The following AKAP6 variants were observed in gnomAD, a reference collection of about 807,000 sequenced individuals.
AKAP6 encodes the protein A-kinase anchoring protein 6.
In AKAP6, 58 loss-of-function variants were observed where a neutral mutation model predicts 188.5. The observed-to-expected ratio is 0.31, with a 90% confidence interval of 0.25 to 0.38. The LOEUF (loss-of-function observed/expected upper bound fraction) is 0.38, where lower values mean the gene tolerates loss of function less well. AKAP6 is among the 10% of genes least tolerant of loss of function. The pLI, the probability that AKAP6 is intolerant of heterozygous loss-of-function variation, is 1.00. For missense variants in AKAP6, 2,710 were observed against 2,740.0 expected (o/e 0.99, Z 0.24); for synonymous variants, 989 against 998.6 (o/e 0.99, Z 0.18).
At chr14:32,589,845 G>A (rs1594766889) in intron 5 of AKAP6, among the ~76,000 whole-genome samples, 1 of 152,218 alleles carries the variant, frequency 6.6e-6, no homozygotes, top group East Asian at 1.9e-4. Flanking sequence ...TTACAGACAA[G>A]CCTCACACTA....
At chr14:32,410,217 A>G (rs1435747956) in intron 1 of AKAP6, among the ~76,000 whole-genome samples, 4 of 152,076 alleles carry the variant, frequency 2.6e-5, no homozygotes, top group African/African-American at 7.2e-5. Flanking sequence ...AAGTCCAATA[A>G]GAAATATTTT....
intron 1 of AKAP6, among the ~76,000 whole-genome samples, chr14:32,422,317 ACT>A (rs1270788519): frequency 6.6e-6 from 1 of 151,876 alleles, no homozygotes; most frequent in Non-Finnish European, 1.5e-5. Flanking sequence ...GTTCACACAG[ACT>A]CTCTCAGATT....
rs770173043 is a variant in AKAP6, at chr14:32,823,814, G to A, written c.6001G>A (p.Ala2001Thr). ...TRFNNRQDSD[A>T]LKSSDDAPSM... ...GTTTAACAACAGACAAGACTCTGAT[G>A]CACTGAAATCATCTGATGATGCACC... Residue 2001 changes from alanine to threonine, a missense_variant, in exon 13 of 14, where the codon GCA becomes ACA. Ala to Thr is a moderately conservative substitution (Grantham distance 58). Around this residue, in one of 2 missense-constraint regions of AKAP6, gnomAD observed 2,473 missense variants for 2,426.1 expected, o/e 1.02. Coordinates refer to ENST00000280979, the MANE Select transcript of AKAP6 (RefSeq NM_004274.5). 5 of 1,613,516 alleles carry A rather than the reference G, an allele frequency of 3.1e-6. No individual in the cohort carries two copies. The highest frequency in any genetic ancestry group is 1.3e-5 in the African/African-American group (1 of 75,020).
chr14:32,496,124 C>T (rs1466262905), intron 2 of AKAP6, among the ~76,000 whole-genome samples: 1 of 152,150 alleles, frequency 6.6e-6, no homozygotes, highest in Non-Finnish European at 1.5e-5. Flanking sequence ...TTTATTCAAA[C>T]TTATACCTCA....
chr14:32,807,492 A>T (rs549561140), intron 12 of AKAP6, among the ~76,000 whole-genome samples: 1 of 152,292 alleles, frequency 6.6e-6, no homozygotes, highest in East Asian at 1.9e-4. Flanking sequence ...TTGTTTTAGG[A>T]AGCTTGGTTT....
At chr14:32,804,247 C>T (rs2034030225) in intron 12 of AKAP6, among the ~76,000 whole-genome samples, 1 of 152,182 alleles carries the variant, frequency 6.6e-6, no homozygotes, top group African/African-American at 2.4e-5. Flanking sequence ...CTGTTCTCTA[C>T]ACTGAAGCCT....
In AKAP6 at chr14:32,479,092, A is replaced by G. The variant is rs138552939; in HGVS notation, c.324+45275A>G. ...TAGGAACATGTGACTTATACCAAGT[A>G]GACATCGACTCACTTTGATATTTTC... On this transcript the variant is annotated intron_variant, in intron 2 of 13. Coordinates refer to ENST00000280979, the MANE Select transcript of AKAP6 (RefSeq NM_004274.5). 9.7e-3 allele frequency among the ~76,000 whole-genome samples: 1,472 copies of G among 152,332 alleles called. 26 individuals carry two copies. The highest frequency in any genetic ancestry group is 0.033 in the African/African-American group (1,392 of 41,580).
chr14:32,456,128 G>A (rs28594748), intron 2 of AKAP6, among the ~76,000 whole-genome samples: 53,182 of 151,914 alleles, frequency 0.35, 13,670 homozygotes, highest in African/African-American at 0.73. Flanking sequence ...ATAAATACAT[G>A]AGTATAGTTG....
chr14:32,491,080 C>T (rs1879989364), intron 2 of AKAP6, among the ~76,000 whole-genome samples: 1 of 152,126 alleles, frequency 6.6e-6, no homozygotes, highest in South Asian at 2.1e-4. Context: ...TGTCACCCCA[C>T]CAATCTCAGA....
At chr14:32,479,751 G>C (rs1879244854) in intron 2 of AKAP6, among the ~76,000 whole-genome samples, 1 of 151,360 alleles carries the variant, frequency 6.6e-6, no homozygotes, top group Non-Finnish European at 1.5e-5. Context: ...GCCTGAGAGA[G>C]ACCCCTTGCC....
chr14:32,546,447 T>A lies in AKAP6; in HGVS notation c.1794T>A (p.Leu598=). The A allele has an allele frequency of 7.4e-6, 12 of 1,614,150 alleles. No individual in the cohort carries two copies. Among genetic ancestry groups the A allele is most frequent in the Non-Finnish European group, 1.0e-5 (12 of 1,180,026 alleles). Residue 598 remains leucine (L), a synonymous_variant, in exon 4 of 14, where the codon CTT becomes CTA. Transcript: ENST00000280979. The part of the protein sequence containing the change: ...SDNIMSPVPL[L]SKHKSKKGQA... ...ACATCATGTCTCCGGTGCCACTTCT[T>A]TCAAAACACAAAAGCAAAAAAGGTC...
intron 12 of AKAP6, among the ~76,000 whole-genome samples, chr14:32,812,373 ACT>A (rs1349348382): frequency 6.6e-6 from 1 of 151,698 alleles, no homozygotes; most frequent in East Asian, 1.9e-4. Flanking sequence ...TAATTGAAAA[ACT>A]CTTCCTAAAT....
At chr14:32,514,133 G>A (rs1474150012) in intron 2 of AKAP6, among the ~76,000 whole-genome samples, 1 of 152,158 alleles carries the variant, frequency 6.6e-6, no homozygotes, top group Non-Finnish European at 1.5e-5. Flanking sequence ...TCGACAGCTT[G>A]CCTTCCCATC....
intron 13 of AKAP6, among the ~76,000 whole-genome samples, chr14:32,829,065 G>T (rs1421726710): frequency 2.6e-5 from 4 of 152,170 alleles, no homozygotes; most frequent in South Asian, 2.1e-4. Flanking sequence ...TGGTCAGGGG[G>T]ACTTACAATA....
At chr14:32,563,380 T>C (rs945120905) in intron 4 of AKAP6, among the ~76,000 whole-genome samples, 1 of 152,190 alleles carries the variant, frequency 6.6e-6, no homozygotes, top group Non-Finnish European at 1.5e-5. Context: ...AGAGTCATGA[T>C]TAAATGTCTT....
intron 2 of AKAP6, among the ~76,000 whole-genome samples, chr14:32,533,506 C>T (rs971379603): frequency 5.9e-5 from 9 of 151,910 alleles, no homozygotes; most frequent in African/African-American, 1.7e-4. Context: ...TTGGGTGAGT[C>T]CAGGTAGTAG....
chr14:32,805,229 T>C (rs2034058668), intron 12 of AKAP6, among the ~76,000 whole-genome samples: 1 of 152,216 alleles, frequency 6.6e-6, no homozygotes, highest in South Asian at 2.1e-4. Context: ...TCCTGCCTGG[T>C]CCCTCTGTTC....
chr14:32,819,932 A>G (rs935205301), intron 12 of AKAP6, among the ~76,000 whole-genome samples: 2 of 152,118 alleles, frequency 1.3e-5, no homozygotes, highest in Non-Finnish European at 2.9e-5. Context: ...TGAGCGACAG[A>G]GCAAGACTGT....
chr14:32,596,228 T>A (rs1450595224), intron 5 of AKAP6, among the ~76,000 whole-genome samples: 1 of 152,182 alleles, frequency 6.6e-6, no homozygotes, highest in East Asian at 1.9e-4. Flanking sequence ...CATCAAGGCG[T>A]ATATTTCCTT....
Sources: allele counts gnomAD v4.1 joint callset (sites outside exome capture counted in the v4.1 genomes callset), GRCh38; gene constraint gnomAD v4.1.1; regional missense constraint gnomAD v4.1.1; transcripts MANE v1.5; gene names NCBI Gene and HGNC (gene_info 2026-07-23, HGNC 2026-07-21).